The following KLHL1 variants were observed in gnomAD, a reference collection of about 807,000 sequenced individuals.
KLHL1 encodes the protein kelch like family member 1, also known as kelch-like protein 1.
In KLHL1, 47 loss-of-function variants were observed where a neutral mutation model predicts 77.7. The observed-to-expected ratio is 0.60, with a 90% CI of 0.48 to 0.77. The LOEUF (loss-of-function observed/expected upper bound fraction) is 0.77, where lower values mean the gene tolerates loss of function less well. KLHL1 is among the 30% of genes least tolerant of loss of function. KLHL1 has a pLI of 0.00. For missense variants in KLHL1, 925 were observed against 910.8 expected (o/e 1.02, Z -0.20); for synonymous variants, 360 against 325.2 (o/e 1.11, Z -1.15).
At chr13:69,949,373 TA>T (rs1379893330) in intron 3 of KLHL1, among the ~76,000 whole-genome samples, 1 of 151,802 alleles carries the variant, frequency 6.6e-6, no homozygotes, top group Non-Finnish European at 1.5e-5. Flanking sequence ...TAATATTTCA[TA>T]AAATGTTCTT....
intron 3 of KLHL1, among the ~76,000 whole-genome samples, chr13:69,960,060 G>A (rs17739613): frequency 0.056 from 8,161 of 146,874 alleles, 295 homozygotes; most frequent in Non-Finnish European, 0.074. Context: ...AAATGTCTAA[G>A]TATTTTCCTC....
chr13:69,917,054 T>C (rs1031824768), intron 4 of KLHL1, among the ~76,000 whole-genome samples: 8 of 152,188 alleles, frequency 5.3e-5, no homozygotes, highest in South Asian at 4.1e-4. Flanking sequence ...TTTGCACATG[T>C]GTACGTGTAA....
intron 7 of KLHL1, among the ~76,000 whole-genome samples, chr13:69,765,206 C>T (rs1446591174): frequency 6.6e-6 from 1 of 151,864 alleles, no homozygotes; most frequent in Non-Finnish European, 1.5e-5. Flanking sequence ...CCCTCCTCAG[C>T]CTCCCAAAGT....
At chr13:69,873,896 A>G (rs1297039170) in intron 5 of KLHL1, among the ~76,000 whole-genome samples, 2 of 152,190 alleles carry the variant, frequency 1.3e-5, no homozygotes, top group African/African-American at 4.8e-5. Context: ...TCTCAAAAAT[A>G]TAGTTGTAAG....
At chr13:70,015,393 C>T (rs1056484708) in intron 1 of KLHL1, among the ~76,000 whole-genome samples, 4 of 151,962 alleles carry the variant, frequency 2.6e-5, no homozygotes, top group African/African-American at 7.3e-5. Flanking sequence ...CTTATGTGAC[C>T]ACCATCACCT....
chr13:69,926,964 A>AAAAAAAAAAAAAC, intron 4 of KLHL1, among the ~76,000 whole-genome samples: 1 of 149,498 alleles, frequency 6.7e-6, no homozygotes, highest in Non-Finnish European at 1.5e-5. Flanking sequence ...AAAAAAAAAA[A>AAAAAAAAAAAAAC]AAAAAAGCAG....
intron 4 of KLHL1, among the ~76,000 whole-genome samples, chr13:69,939,240 A>G (rs986355676): frequency 2.7e-5 from 4 of 149,384 alleles, no homozygotes; most frequent in Non-Finnish European, 4.4e-5. Flanking sequence ...TTAAAATCCC[A>G]TGCTATAAAG....
chr13:69,885,952 G>A (rs1881200903), intron 4 of KLHL1, among the ~76,000 whole-genome samples: 1 of 152,092 alleles, frequency 6.6e-6, no homozygotes, highest in African/African-American at 2.4e-5. Flanking sequence ...TCTGGCCAGT[G>A]AAAACCATAT....
intron 6 of KLHL1, among the ~76,000 whole-genome samples, chr13:69,820,365 A>G (rs1410025218): frequency 1.3e-5 from 2 of 152,194 alleles, no homozygotes; most frequent in African/African-American, 4.8e-5. Flanking sequence ...ACAAGTCATT[A>G]CTTAACAGAT....
At chr13:70,050,739 G>A (rs1284722919) in intron 1 of KLHL1, among the ~76,000 whole-genome samples, 1 of 151,764 alleles carries the variant, frequency 6.6e-6, no homozygotes, top group African/African-American at 2.4e-5. Context: ...CCTGGTAATT[G>A]TTACCTATCA....
intron 1 of KLHL1, among the ~76,000 whole-genome samples, chr13:70,099,518 T>A (rs528745598): frequency 6.6e-6 from 1 of 152,116 alleles, no homozygotes; most frequent in African/African-American, 2.4e-5. Context: ...AAAGTAAGTA[T>A]AATGGATGAC....
intron 6 of KLHL1, among the ~76,000 whole-genome samples, chr13:69,807,282 T>G (rs1007320453): frequency 6.6e-6 from 1 of 151,936 alleles, no homozygotes; most frequent in African/African-American, 2.4e-5. Context: ...AAGATACTAT[T>G]TTGAGAGTTT....
At chr13:70,002,099 G>T (rs181948133) in intron 1 of KLHL1, among the ~76,000 whole-genome samples, 1 of 151,530 alleles carries the variant, frequency 6.6e-6, no homozygotes, top group Non-Finnish European at 1.5e-5. Flanking sequence ...ACAAAATTCA[G>T]CACTCTTTAT....
intron 9 of KLHL1, among the ~76,000 whole-genome samples, chr13:69,715,524 T>C (rs74657546): frequency 4.6e-5 from 1 of 21,886 alleles, no homozygotes; most frequent in Non-Finnish European, 1.2e-4. Flanking sequence ...TTTTATTATT[T>C]ATTTTTTTTT....
At chr13:69,851,206 TTC>T (rs1879675229) in intron 5 of KLHL1, among the ~76,000 whole-genome samples, 1 of 18,264 alleles carries the variant, frequency 5.5e-5, no homozygotes, top group East Asian at 8.9e-3. Context: ...TTTTATAAAA[TTC>T]TGTTATTTAT....
At chr13:70,028,090 C>G (rs1313527996) in intron 1 of KLHL1, among the ~76,000 whole-genome samples, 1 of 152,040 alleles carries the variant, frequency 6.6e-6, no homozygotes, top group Non-Finnish European at 1.5e-5. Context: ...ATAAATTGCT[C>G]TTTGAAGAAG....
intron 9 of KLHL1, among the ~76,000 whole-genome samples, chr13:69,714,700 C>T (rs1374803358): frequency 6.6e-6 from 1 of 151,626 alleles, no homozygotes; most frequent in East Asian, 1.9e-4. Flanking sequence ...CTCAAGTGAT[C>T]CTCCCACCTC....
chr13:69,949,967 A>T (rs1593979346), intron 3 of KLHL1, among the ~76,000 whole-genome samples: 1 of 151,702 alleles, frequency 6.6e-6, no homozygotes, highest in Non-Finnish European at 1.5e-5. Context: ...TCTTCTAAAA[A>T]TTACCGCAAA....
At chr13:69,922,042 C>T (rs115019727) in intron 4 of KLHL1, among the ~76,000 whole-genome samples, 1,849 of 151,526 alleles carry the variant, frequency 0.012, 35 homozygotes, top group African/African-American at 0.041. Context: ...CATTCTCTTG[C>T]CTCAGAATCC....
Sources: gnomAD v4.1 joint callset for allele counts (sites outside exome capture counted in the v4.1 genomes callset) on GRCh38, gnomAD v4.1.1 for gene constraint, MANE v1.5 for transcripts, NCBI Gene and HGNC (gene_info 2026-07-23, HGNC 2026-07-21) for gene names.